Variants in CDKAL1 observed in about 807,000 individuals in gnomAD.
CDKAL1 encodes CDKAL1 threonylcarbamoyladenosine tRNA methylthiotransferase.
Under a neutral mutation model 68.2 loss-of-function variants are expected in CDKAL1, and 32 were observed. The observed-to-expected ratio is 0.47, with a 90% CI of 0.35 to 0.63. The LOEUF (loss-of-function observed/expected upper bound fraction) is 0.63. Ranked by LOEUF, CDKAL1 falls within the 30% of genes least tolerant of loss-of-function variation. The pLI, the probability that CDKAL1 is intolerant of heterozygous loss-of-function variation, is 0.00. For synonymous variants in CDKAL1, 234 were observed against 244.3 expected, an observed-to-expected ratio of 0.96 and a Z score of 0.39; for missense variants, 606 against 696.7, an observed-to-expected ratio of 0.87 and a Z score of 1.47.
chr6:20,785,804 C>T (rs1021172838), intron 8 of CDKAL1, among the ~76,000 whole-genome samples: 15 of 151,956 alleles, frequency 9.9e-5, no homozygotes, highest in Admixed American at 5.9e-4. Context: ...TTTCATTTTT[C>T]GTTTAGGAAA....
chr6:21,214,277 C>A (rs1472774291), intron 15 of CDKAL1, among the ~76,000 whole-genome samples: 1 of 151,904 alleles, frequency 6.6e-6, no homozygotes, highest in Non-Finnish European at 1.5e-5. Context: ...ATTAATGCCA[C>A]TAAATTGTGT....
intron 12 of CDKAL1, among the ~76,000 whole-genome samples, chr6:21,089,818 T>C (rs1772903614): frequency 6.6e-6 from 1 of 152,224 alleles, no homozygotes; most frequent in Non-Finnish European, 1.5e-5. Flanking sequence ...TTAAGGTCTG[T>C]AGAGCAAAGT....
intron 11 of CDKAL1, among the ~76,000 whole-genome samples, chr6:21,051,499 A>G (rs992839262): frequency 3.9e-5 from 6 of 152,200 alleles, no homozygotes; most frequent in Non-Finnish European, 7.3e-5. Flanking sequence ...GGTAGTGATC[A>G]GAAGCTTCAG....
chr6:21,068,671 A>G (rs1436000567), intron 12 of CDKAL1, among the ~76,000 whole-genome samples: 1 of 152,132 alleles, frequency 6.6e-6, no homozygotes, highest in African/African-American at 2.4e-5. Context: ...AAGTATTTCA[A>G]TGTCGTATTT....
chr6:21,074,024 GTTC>G lies in CDKAL1; in HGVS notation c.1236+8801_1236+8803del, dbSNP rs547051833. 9.9e-5 allele frequency among the ~76,000 whole-genome samples: 15 copies of G among 152,278 alleles called. No individual in the cohort carries two copies. In the South Asian group the frequency reaches 3.1e-3, roughly 32 times the overall value. On this transcript the variant is annotated intron_variant, in intron 12 of 15. Coordinates refer to ENST00000274695, the MANE Select transcript of CDKAL1 (RefSeq NM_017774.3). ...CAATATTCTGGGATTCTGCACTGTT[GTTC>G]TTCTCATGCAGCTCTTTATTAAACC...
At chr6:21,198,413 G>A (rs1277917736) in intron 14 of CDKAL1, among the ~76,000 whole-genome samples, 1 of 152,136 alleles carries the variant, frequency 6.6e-6, no homozygotes, top group African/African-American at 2.4e-5. Context: ...TGGCAAAGCA[G>A]GGGGGAAAGT....
intron 13 of CDKAL1, among the ~76,000 whole-genome samples, chr6:21,128,056 C>T (rs1775108235): frequency 6.6e-6 from 1 of 152,166 alleles, no homozygotes; most frequent in African/African-American, 2.4e-5. Context: ...AACACACGGT[C>T]CCTGACTTAC....
intron 8 of CDKAL1, among the ~76,000 whole-genome samples, chr6:20,787,826 T>A (rs1331925804): frequency 2.0e-5 from 3 of 152,212 alleles, no homozygotes; most frequent in Non-Finnish European, 1.5e-5. Context: ...CAGTTTAACG[T>A]CACTACAGTG....
intron 13 of CDKAL1, among the ~76,000 whole-genome samples, chr6:21,166,257 A>AT (rs1443741833): frequency 6.6e-6 from 1 of 152,166 alleles, no homozygotes; most frequent in Non-Finnish European, 1.5e-5. Flanking sequence ...TTACCAGAAA[A>AT]TGAGGTATGA....
intron 5 of CDKAL1, among the ~76,000 whole-genome samples, chr6:20,669,669 C>T (rs1203019105): frequency 2.0e-5 from 3 of 152,160 alleles, no homozygotes; most frequent in Non-Finnish European, 4.4e-5. Context: ...ACCCAGTGCT[C>T]CTGTATCCTT....
intron 11 of CDKAL1, among the ~76,000 whole-genome samples, chr6:21,012,556 A>G (rs2150842885): frequency 6.6e-6 from 1 of 152,318 alleles, no homozygotes; most frequent in East Asian, 1.9e-4. Flanking sequence ...AAATAAGAGA[A>G]TATTTAAAGC....
intron 13 of CDKAL1, among the ~76,000 whole-genome samples, chr6:21,117,361 G>A (rs1349477950): frequency 1.3e-5 from 2 of 151,138 alleles, no homozygotes; most frequent in Admixed American, 6.6e-5. Flanking sequence ...TCATTGCAGA[G>A]CACAGTTGGT....
intron 11 of CDKAL1, among the ~76,000 whole-genome samples, chr6:21,007,678 A>C (rs1029690916): frequency 1.3e-5 from 2 of 152,154 alleles, no homozygotes; most frequent in African/African-American, 2.4e-5. Flanking sequence ...ACTTAACATG[A>C]TAATCATAAT....
At chr6:20,587,159 G>A (rs1765403281) in intron 4 of CDKAL1, among the ~76,000 whole-genome samples, 1 of 151,694 alleles carries the variant, frequency 6.6e-6, no homozygotes, top group African/African-American at 2.4e-5. Flanking sequence ...GCTAATTTTT[G>A]TATTTTTAGT....
chr6:21,045,472 A>T (rs1770174365), intron 11 of CDKAL1, among the ~76,000 whole-genome samples: 1 of 152,172 alleles, frequency 6.6e-6, no homozygotes, highest in Admixed American at 6.5e-5. Flanking sequence ...GTACCTATTA[A>T]CATTTCTACT....
chr6:20,549,578 TTATA>T (rs1234654246), intron 4 of CDKAL1, among the ~76,000 whole-genome samples: 52 of 118,310 alleles, frequency 4.4e-4, no homozygotes, highest in African/African-American at 1.5e-3. Context: ...TTCTTTACAT[TTATA>T]TTTATTTATT....
chr6:20,816,398 A>G, intron 8 of CDKAL1, among the ~76,000 whole-genome samples: 1 of 152,262 alleles, frequency 6.6e-6, no homozygotes, highest in East Asian at 1.9e-4. Context: ...CAAAATTGGT[A>G]CTAGAGTGTA....
intron 2 of CDKAL1, among the ~76,000 whole-genome samples, chr6:20,544,394 G>A (rs1763506880): frequency 6.6e-6 from 1 of 151,224 alleles, no homozygotes; most frequent in African/African-American, 2.4e-5. Context: ...TCAGGAGATC[G>A]AGACCATCCT....
At chr6:20,547,381 T>C (rs964807630) in intron 3 of CDKAL1, among the ~76,000 whole-genome samples, 1 of 152,200 alleles carries the variant, frequency 6.6e-6, no homozygotes, top group Non-Finnish European at 1.5e-5. Context: ...GTGATTCTTA[T>C]GAGACAGTAG....
Sources: gnomAD v4.1 joint callset for allele counts (sites outside exome capture counted in the v4.1 genomes callset) on GRCh38, gnomAD v4.1.1 for gene constraint, MANE v1.5 for transcripts, NCBI Gene and HGNC (gene_info 2026-07-23, HGNC 2026-07-21) for gene names.